ADARB2: variants seen among roughly 807,000 people sequenced by gnomAD.
ADARB2 encodes the protein adenosine deaminase RNA specific B2 (inactive).
A neutral mutation model predicts 62.2 loss-of-function variants in ADARB2; 25 were observed. The observed-to-expected ratio is 0.40, with a 90% CI of 0.29 to 0.56. ADARB2 has a LOEUF of 0.56. Ranked by LOEUF, ADARB2 falls within the 20% of genes least tolerant of loss-of-function variation. The pLI is 0.43. For synonymous variants in ADARB2, 572 were observed against 500.8 expected (o/e 1.14, Z -1.90); for missense variants, 1,071 against 1,077.4 (o/e 0.99, Z 0.08).
At chr10:1,666,684 T>C (rs1271450131) in intron 1 of ADARB2, among the ~76,000 whole-genome samples, 1 of 152,226 alleles carries the variant, frequency 6.6e-6, no homozygotes, top group East Asian at 1.9e-4. Flanking sequence ...AGCTTCATTT[T>C]TTTTGAGGGG....
At chr10:1,201,741 C>T (rs913111599) in intron 7 of ADARB2, among the ~76,000 whole-genome samples, 4 of 147,360 alleles carry the variant, frequency 2.7e-5, no homozygotes, top group Non-Finnish European at 4.5e-5. Context: ...AGCGTGTCTG[C>T]CTGGATCTCG....
intron 1 of ADARB2, among the ~76,000 whole-genome samples, chr10:1,711,937 A>G (rs1834953083): frequency 6.6e-6 from 1 of 152,240 alleles, no homozygotes; most frequent in Admixed American, 6.5e-5. Flanking sequence ...GCATCCTGAT[A>G]AGAAATTAAA....
intron 3 of ADARB2, among the ~76,000 whole-genome samples, chr10:1,330,078 T>C (rs1831914844): frequency 6.6e-6 from 1 of 152,130 alleles, no homozygotes; most frequent in South Asian, 2.1e-4. Flanking sequence ...CAGTAGGGAA[T>C]ACCTGGATAA....
At chr10:1,510,075 TTCTC>T (rs1474876957) in intron 1 of ADARB2, among the ~76,000 whole-genome samples, 7 of 149,602 alleles carry the variant, frequency 4.7e-5, no homozygotes, top group Non-Finnish European at 8.9e-5. Flanking sequence ...CTTTCTTTCT[TTCTC>T]TTTCTCTCTC....
intron 1 of ADARB2, among the ~76,000 whole-genome samples, chr10:1,514,745 C>T (rs1206095958): frequency 6.6e-6 from 1 of 152,148 alleles, no homozygotes; most frequent in Non-Finnish European, 1.5e-5. Flanking sequence ...AGCTTAAAAT[C>T]CCAGGACACT....
intron 6 of ADARB2, among the ~76,000 whole-genome samples, chr10:1,231,162 C>T (rs1210702025): frequency 6.6e-6 from 1 of 152,170 alleles, no homozygotes; most frequent in African/African-American, 2.4e-5. Flanking sequence ...CCTCTCCCAA[C>T]TCCCACCAGG....
At chr10:1,484,220 G>A (rs1030503296) in intron 1 of ADARB2, among the ~76,000 whole-genome samples, 2 of 152,208 alleles carry the variant, frequency 1.3e-5, no homozygotes, top group African/African-American at 4.8e-5. Context: ...CTGAGAAGGA[G>A]AAAAATCCTT....
chr10:1,394,986 C>A, intron 1 of ADARB2: 1 of 454,526 alleles, frequency 2.2e-6, no homozygotes, highest in Non-Finnish European at 4.4e-6. Flanking sequence ...GTGGCACAAT[C>A]ACAGCTCCCT....
At position 1,214,024 on chromosome 10, in the gene ADARB2, G is replaced by A. The variant is rs1317721779; in HGVS notation, c.1682+2927C>T. Among the ~76,000 whole-genome samples, 4 of 149,402 alleles carry A rather than the reference G, an allele frequency of 2.7e-5. No individual in the cohort carries two copies. In the Admixed American group the frequency reaches 2.7e-4, roughly 10 times the overall value. On this transcript the variant is annotated intron_variant, in intron 7 of 9. Transcript: ENST00000381312. Reference sequence around the variant, plus strand: ...TGGCATTGCGTGGGTTCGCACCTGTGTCCAGCGTTGTGTAGCTTTGCACCT... The same window carrying A: ...TGGCATTGCGTGGGTTCGCACCTGTATCCAGCGTTGTGTAGCTTTGCACCT...
At chr10:1,299,194 C>T (rs777296054) in intron 3 of ADARB2, among the ~76,000 whole-genome samples, 1 of 152,056 alleles carries the variant, frequency 6.6e-6, no homozygotes, top group African/African-American at 2.4e-5. Context: ...CCCAGCTAAT[C>T]TGGGGAGTCA....
At chr10:1,597,017 C>A (rs915229123) in intron 1 of ADARB2, among the ~76,000 whole-genome samples, 1 of 152,112 alleles carries the variant, frequency 6.6e-6, no homozygotes, top group African/African-American at 2.4e-5. Context: ...TGCCCAGGAG[C>A]CACGAGACTC....
intron 1 of ADARB2, among the ~76,000 whole-genome samples, chr10:1,561,462 C>G (rs1490993591): frequency 6.6e-6 from 1 of 152,312 alleles, no homozygotes; most frequent in East Asian, 1.9e-4. Context: ...TTATGATGGG[C>G]TCACCACTGT....
intron 3 of ADARB2, among the ~76,000 whole-genome samples, chr10:1,298,778 T>G: frequency 8.8e-6 from 1 of 113,220 alleles, no homozygotes; most frequent in Non-Finnish European, 1.8e-5. Context: ...TTTTTAGATT[T>G]GCCCAGGCTG....
chr10:1,464,414 C>CAT (rs1831221663), intron 1 of ADARB2, among the ~76,000 whole-genome samples: 2 of 115,504 alleles, frequency 1.7e-5, no homozygotes, highest in Non-Finnish European at 3.7e-5. Flanking sequence ...CCCCCACACA[C>CAT]GCGCGGGGGC....
At chr10:1,273,129 T>C (rs2131800141) in intron 3 of ADARB2, among the ~76,000 whole-genome samples, 1 of 152,326 alleles carries the variant, frequency 6.6e-6, no homozygotes, top group Non-Finnish European at 1.5e-5. Context: ...AGTCCTTAAC[T>C]TGAGGATATC....
At chr10:1,371,281 C>CA (rs1373577367) in intron 2 of ADARB2, among the ~76,000 whole-genome samples, 1 of 152,144 alleles carries the variant, frequency 6.6e-6, no homozygotes, top group Non-Finnish European at 1.5e-5. Flanking sequence ...TCACCATATA[C>CA]AAAAATTAAT....
intron 6 of ADARB2, among the ~76,000 whole-genome samples, chr10:1,228,037 G>C (rs1830764062): frequency 1.3e-5 from 2 of 152,160 alleles, no homozygotes. Flanking sequence ...TAACTCAATG[G>C]GAAAATCTGA....
intron 1 of ADARB2, among the ~76,000 whole-genome samples, chr10:1,548,760 C>A (rs545206010): frequency 1.3e-4 from 20 of 152,328 alleles, no homozygotes; most frequent in Non-Finnish European, 2.5e-4. Context: ...CTACATGGAA[C>A]CTACCACACT....
At chr10:1,210,798 G>A (rs1837140568) in intron 7 of ADARB2, among the ~76,000 whole-genome samples, 1 of 152,236 alleles carries the variant, frequency 6.6e-6, no homozygotes, top group Non-Finnish European at 1.5e-5. Flanking sequence ...GTGGGCCTCA[G>A]GCAGATGGAA....
Sources: gnomAD v4.1 joint callset for allele counts (sites outside exome capture counted in the v4.1 genomes callset) on GRCh38, gnomAD v4.1.1 for gene constraint, MANE v1.5 for transcripts, NCBI Gene and HGNC (gene_info 2026-07-23, HGNC 2026-07-21) for gene names.